Variants in CA10 observed in about 807,000 individuals in gnomAD.
CA10 encodes the protein carbonic anhydrase 10 (inactive), also known as carbonic anhydrase-related protein 10.
Under a neutral mutation model 44.2 loss-of-function variants are expected in CA10, and 14 were observed. The observed-to-expected ratio is 0.32, with a 90% CI of 0.21 to 0.50. The LOEUF is 0.50. Among genes scored for constraint, CA10 ranks in the 20% least tolerant of loss-of-function variants. The pLI, the probability that CA10 is intolerant of heterozygous loss-of-function variation, is 0.99. For missense variants in CA10, 350 were observed against 409.7 expected, an observed-to-expected ratio of 0.85 and a Z score of 1.26; for synonymous variants, 159 against 141.6, an observed-to-expected ratio of 1.12 and a Z score of -0.87.
chr17:51,771,616 A>C (rs964152173), intron 3 of CA10, among the ~76,000 whole-genome samples: 1 of 152,164 alleles, frequency 6.6e-6, no homozygotes, highest in Non-Finnish European at 1.5e-5. Context: ...CCCTTTTGGC[A>C]TGGGTGGCTG....
chr17:52,107,422 T>A (rs1488175795), intron 1 of CA10, among the ~76,000 whole-genome samples: 3 of 152,190 alleles, frequency 2.0e-5, no homozygotes, highest in Non-Finnish European at 4.4e-5. Flanking sequence ...AAAGGTTATT[T>A]TTTCTTTTTT....
chr17:51,784,901 C>G (rs904789178), intron 3 of CA10, among the ~76,000 whole-genome samples: 2 of 152,186 alleles, frequency 1.3e-5, no homozygotes, highest in African/African-American at 4.8e-5. Context: ...ATCCCTTAAC[C>G]ATCTGGACCA....
At chr17:51,697,292 T>C (rs1915436220) in intron 4 of CA10, among the ~76,000 whole-genome samples, 1 of 152,222 alleles carries the variant, frequency 6.6e-6, no homozygotes, top group African/African-American at 2.4e-5. Context: ...TCTGAGCTTA[T>C]AGCCTAAGAT....
Position 52,157,804 on chromosome 17 carries a change from A to G in CA10, c.-18T>C. On this transcript the variant is annotated 5_prime_UTR_variant, in exon 1 of 9. Transcript: ENST00000451037. ...ATTTCCATCCTCTGATTCTCATTCC[A>G]AGTGCATCACTCGACGGGAAAACGG... is the stretch of plus-strand genomic sequence containing the variant. The G allele has an allele frequency of 1.2e-6, 2 of 1,610,516 alleles. No homozygotes were observed. Among genetic ancestry groups the G allele is most frequent in the East Asian group, 4.5e-5 (2 of 44,850 alleles).
At chr17:51,648,486 A>G (rs905677826) in intron 6 of CA10, among the ~76,000 whole-genome samples, 1 of 152,136 alleles carries the variant, frequency 6.6e-6, no homozygotes, top group Non-Finnish European at 1.5e-5. Context: ...GGTAAAGACA[A>G]TCTTTTTTCC....
Position 51,691,996 on chromosome 17 carries a change from C to T in CA10, c.466-38260G>A, listed in dbSNP as rs181240107. 2.6e-5 allele frequency among the ~76,000 whole-genome samples: 4 copies of T among 152,214 alleles called. No homozygotes were observed. The East Asian group carries it at 7.7e-4, about 29-fold the overall frequency. Reference sequence around the variant, plus strand: ...TAGCTAATTGAGATGTATTGTGATTCCATATGAATTTTAGGAATTTTTTCT... The same window carrying T: ...TAGCTAATTGAGATGTATTGTGATTTCATATGAATTTTAGGAATTTTTTCT... On this transcript the variant is annotated intron_variant, in intron 4 of 8. Transcript: ENST00000451037.
At chr17:51,851,378 C>T (rs948969166) in intron 3 of CA10, among the ~76,000 whole-genome samples, 1 of 152,174 alleles carries the variant, frequency 6.6e-6, no homozygotes, top group African/African-American at 2.4e-5. Context: ...GCCAGCCAAA[C>T]CTGCATTCAA....
At chr17:51,942,894 C>G (rs939526124) in intron 2 of CA10, among the ~76,000 whole-genome samples, 2 of 152,058 alleles carry the variant, frequency 1.3e-5, no homozygotes, top group African/African-American at 4.8e-5. Context: ...CAATACTTGA[C>G]ACAATGTAGA....
At chr17:51,842,963 T>C (rs966377359) in intron 3 of CA10, among the ~76,000 whole-genome samples, 2 of 152,214 alleles carry the variant, frequency 1.3e-5, no homozygotes, top group Middle Eastern at 3.2e-3. Context: ...GCAGGCTTAT[T>C]AAGTTATGTG....
At chr17:51,968,524 T>C (rs1017331820) in intron 2 of CA10, among the ~76,000 whole-genome samples, 1 of 151,814 alleles carries the variant, frequency 6.6e-6, no homozygotes, top group African/African-American at 2.4e-5. Flanking sequence ...TACGACTTTC[T>C]AAAGAAACAG....
chr17:51,827,180 T>C (rs1387380718), intron 3 of CA10, among the ~76,000 whole-genome samples: 1 of 152,184 alleles, frequency 6.6e-6, no homozygotes, highest in East Asian at 1.9e-4. Context: ...TAATGGATAG[T>C]AGTGACATAA....
chr17:51,732,698 C>T (rs1436748347), intron 4 of CA10, among the ~76,000 whole-genome samples: 2 of 152,164 alleles, frequency 1.3e-5, no homozygotes, highest in African/African-American at 4.8e-5. Flanking sequence ...ACATCAGATC[C>T]TCTCGGGGAA....
intron 2 of CA10, among the ~76,000 whole-genome samples, chr17:51,955,908 C>T (rs1396314081): frequency 4.6e-5 from 7 of 151,982 alleles, no homozygotes; most frequent in Admixed American, 2.0e-4. Flanking sequence ...GACGGATTGA[C>T]GGATGCAGCA....
At chr17:51,828,221 C>A (rs1908102477) in intron 3 of CA10, among the ~76,000 whole-genome samples, 1 of 152,152 alleles carries the variant, frequency 6.6e-6, no homozygotes, top group South Asian at 2.1e-4. Flanking sequence ...TGGCTGGGCA[C>A]TGCAGACAGT....
chr17:51,655,080 A>G (rs1913739332), intron 4 of CA10, among the ~76,000 whole-genome samples: 1 of 152,218 alleles, frequency 6.6e-6, no homozygotes, highest in African/African-American at 2.4e-5. Flanking sequence ...ACAGAAAGGG[A>G]TGATTAATAA....
chr17:51,714,059 A>G (rs1415243663), intron 4 of CA10, among the ~76,000 whole-genome samples: 1 of 152,120 alleles, frequency 6.6e-6, no homozygotes, highest in Non-Finnish European at 1.5e-5. Flanking sequence ...CTAAGGAGAG[A>G]AAGGCCAGTC....
intron 4 of CA10, among the ~76,000 whole-genome samples, chr17:51,742,432 G>A (rs1229455880): frequency 2.6e-5 from 4 of 152,122 alleles, no homozygotes; most frequent in Non-Finnish European, 5.9e-5. Context: ...TCTCAAGGAT[G>A]TTCTCCTCAG....
At chr17:51,830,853 C>T (rs1369093560) in intron 3 of CA10, among the ~76,000 whole-genome samples, 1 of 152,128 alleles carries the variant, frequency 6.6e-6, no homozygotes, top group East Asian at 1.9e-4. Flanking sequence ...ACAAGTCCTC[C>T]CTGCTCAAAA....
At chr17:51,929,771 A>G (rs1982577665) in intron 3 of CA10, among the ~76,000 whole-genome samples, 1 of 152,120 alleles carries the variant, frequency 6.6e-6, no homozygotes. Context: ...TATAAAAATA[A>G]AACTATAAAT....
Sources: gnomAD v4.1 joint callset for allele counts (sites outside exome capture counted in the v4.1 genomes callset) on GRCh38, gnomAD v4.1.1 for gene constraint, MANE v1.5 for transcripts, NCBI Gene and HGNC (gene_info 2026-07-23, HGNC 2026-07-21) for gene names.